Variants in CCSER1 observed in about 807,000 individuals in gnomAD.
CCSER1 encodes the protein serine-rich coiled-coil domain-containing protein 1.
Under a neutral mutation model 82.0 loss-of-function variants are expected in CCSER1, and 41 were observed. The observed-to-expected ratio is 0.50, with a 90% CI of 0.39 to 0.65. The LOEUF (loss-of-function observed/expected upper bound fraction) is 0.65, where lower values mean the gene tolerates loss of function less well. Among genes scored for constraint, CCSER1 ranks in the 30% least tolerant of loss-of-function variants. The probability of loss-of-function intolerance (pLI) is 0.00; values close to 1 mark genes in which losing one functional copy is unlikely to be tolerated. For synonymous variants in CCSER1, 414 were observed against 383.9 expected, an observed-to-expected ratio of 1.08 and a Z score of -0.92; for missense variants, 1,119 against 1,064.2, an observed-to-expected ratio of 1.05 and a Z score of -0.72.
At chr4:90,861,867 G>A (rs1349782236) in intron 8 of CCSER1, among the ~76,000 whole-genome samples, 1 of 148,980 alleles carries the variant, frequency 6.7e-6, no homozygotes, top group African/African-American at 2.5e-5. Context: ...TTCTTAGAAA[G>A]CCATGATGAA....
intron 5 of CCSER1, among the ~76,000 whole-genome samples, chr4:90,586,721 T>C (rs2148666232): frequency 6.6e-6 from 1 of 152,356 alleles, no homozygotes; most frequent in African/African-American, 2.4e-5. Context: ...TCATTGCTTT[T>C]ATAAAAGAAT....
rs558956566 is a variant in CCSER1, at chr4:90,869,191, CT to C, written c.2094+53351del. Among the ~76,000 whole-genome samples the C allele has an allele frequency of 3.9e-3, 596 of 152,020 alleles. 2 individuals carry two copies. Among genetic ancestry groups the C allele is most frequent in the Non-Finnish European group, 6.6e-3 (449 of 67,890 alleles). On this transcript the variant is annotated intron_variant, in intron 8 of 10. Transcript: ENST00000509176. ...TTGTTGTTTGTTTTCTGTGCAGAAG[CT>C]TTTTAGCATGATGCGATCCCATTTG...
chr4:90,708,613 C>A (rs1739879377), intron 6 of CCSER1, among the ~76,000 whole-genome samples: 1 of 152,068 alleles, frequency 6.6e-6, no homozygotes, highest in Non-Finnish European at 1.5e-5. Context: ...TCACTTAGGT[C>A]AGTCTTTGTC....
rs1470065121 is a variant in CCSER1, at chr4:90,391,294, A to G, written c.1510-8742A>G. On this transcript the variant is annotated intron_variant, in intron 3 of 10. Transcript: ENST00000509176. ...TCTCAAAAAAAAAAAAAAGAAAAAA[A>G]AAGAAAAAGAAGTAGCCCTTTTGTT... Among the ~76,000 whole-genome samples, 43 of 147,024 alleles carry G rather than the reference A, an allele frequency of 2.9e-4. 2 individuals are homozygous for G. Among genetic ancestry groups the G allele is most frequent in the Non-Finnish European group, 4.6e-4 (31 of 66,786 alleles).
intron 10 of CCSER1, among the ~76,000 whole-genome samples, chr4:91,507,548 C>T (rs183854944): frequency 1.5e-3 from 232 of 151,970 alleles, no homozygotes; most frequent in African/African-American, 5.4e-3. Context: ...CCTGCCTCTA[C>T]GTATCATTTT....
intron 10 of CCSER1, among the ~76,000 whole-genome samples, chr4:91,378,618 T>C (rs1259525225): frequency 1.3e-5 from 2 of 152,234 alleles, no homozygotes; most frequent in African/African-American, 4.8e-5. Flanking sequence ...GAGGCTTTCC[T>C]GAAGTTGCTT....
intron 5 of CCSER1, among the ~76,000 whole-genome samples, chr4:90,584,155 A>G (rs574328844): frequency 1.7e-4 from 26 of 152,226 alleles, no homozygotes; most frequent in Non-Finnish European, 3.2e-4. Context: ...AGCTACAGGG[A>G]TTATGCATGT....
intron 7 of CCSER1, chr4:90,781,533 CT>C (rs1045698311): frequency 4.7e-5 from 46 of 981,788 alleles, no homozygotes; most frequent in Middle Eastern, 5.2e-4. Flanking sequence ...ACTTGAAACA[CT>C]TTTTTTTGAT....
At chr4:91,032,263 T>G (rs1741047978) in intron 9 of CCSER1, among the ~76,000 whole-genome samples, 1 of 152,150 alleles carries the variant, frequency 6.6e-6, no homozygotes, top group Admixed American at 6.6e-5. Flanking sequence ...TCAACAGCAT[T>G]TTTGATGAAT....
At chr4:90,959,715 C>A (rs1343126632) in intron 9 of CCSER1, among the ~76,000 whole-genome samples, 1 of 150,646 alleles carries the variant, frequency 6.6e-6, no homozygotes, top group Non-Finnish European at 1.5e-5. Flanking sequence ...CTTCTGCATC[C>A]TGTGGAAGTT....
chr4:91,027,301 G>A (rs1740570677), intron 9 of CCSER1, among the ~76,000 whole-genome samples: 1 of 151,692 alleles, frequency 6.6e-6, no homozygotes, highest in African/African-American at 2.4e-5. Flanking sequence ...CCTAAAATTA[G>A]GAATAAGGGA....
At chr4:91,282,442 A>G (rs1468341067) in intron 10 of CCSER1, among the ~76,000 whole-genome samples, 1 of 152,134 alleles carries the variant, frequency 6.6e-6, no homozygotes, top group African/African-American at 2.4e-5. Flanking sequence ...CTGTACAGCA[A>G]TTTTATAGAT....
At chr4:91,581,737 CAG>C (rs1157111310) in intron 10 of CCSER1, among the ~76,000 whole-genome samples, 1 of 151,532 alleles carries the variant, frequency 6.6e-6, no homozygotes, top group Non-Finnish European at 1.5e-5. Flanking sequence ...TAATTTACTG[CAG>C]AGTTTCTCAA....
At chr4:90,638,744 C>A (rs57646695) in intron 6 of CCSER1, among the ~76,000 whole-genome samples, 13,684 of 152,026 alleles carry the variant, frequency 0.09, 801 homozygotes, top group East Asian at 0.18. Flanking sequence ...TGTAAACAAC[C>A]CTAATTTTCA....
At chr4:91,376,060 C>T (rs1750388154) in intron 10 of CCSER1, among the ~76,000 whole-genome samples, 1 of 151,830 alleles carries the variant, frequency 6.6e-6, no homozygotes, top group Admixed American at 6.6e-5. Flanking sequence ...ATGTGGAAAA[C>T]ATAAAACTTT....
rs374650811 is a variant in CCSER1, at chr4:90,868,627, A to G, written c.2094+52782A>G. Among the ~76,000 whole-genome samples, 7 of 151,994 alleles carry G rather than the reference A, an allele frequency of 4.6e-5. No individual in the cohort carries two copies. The East Asian group carries it at 1.4e-3, about 29-fold the overall frequency. On this transcript the variant is annotated intron_variant, in intron 8 of 10. Coordinates refer to ENST00000509176, the MANE Select transcript of CCSER1 (RefSeq NM_001145065.2). ...TCGATAGACACTTCAGTTGCTTCCA[A>G]ATACTGGCTATTATGAACAGTGCTG...
At chr4:91,567,233 A>G (rs1055669588) in intron 10 of CCSER1, among the ~76,000 whole-genome samples, 2 of 152,034 alleles carry the variant, frequency 1.3e-5, no homozygotes, top group African/African-American at 2.4e-5. Context: ...TTATTGCACT[A>G]TGATCTGAGA....
At chr4:91,202,268 C>A (rs536825200) in intron 10 of CCSER1, among the ~76,000 whole-genome samples, 1 of 151,608 alleles carries the variant, frequency 6.6e-6, no homozygotes, top group Non-Finnish European at 1.5e-5. Flanking sequence ...CTCTGCTGGG[C>A]TGAGGGATTG....
intron 1 of CCSER1, among the ~76,000 whole-genome samples, chr4:90,263,412 G>A (rs1560902033): frequency 6.6e-6 from 1 of 152,206 alleles, no homozygotes; most frequent in Non-Finnish European, 1.5e-5. Context: ...GGTGGCAGGG[G>A]AGTGATGTAG....
Sources: gnomAD v4.1 joint callset for allele counts (sites outside exome capture counted in the v4.1 genomes callset) on GRCh38, gnomAD v4.1.1 for gene constraint, MANE v1.5 for transcripts, NCBI Gene and HGNC (gene_info 2026-07-23, HGNC 2026-07-21) for gene names.